Variants in DEPTOR observed in about 807,000 individuals in gnomAD.
DEPTOR encodes the protein DEP domain containing MTOR interacting protein.
A neutral mutation model predicts 41.6 loss-of-function variants in DEPTOR; 41 were observed. That is an observed-to-expected ratio of 0.98 (90% CI 0.77 to 1.28). The LOEUF (loss-of-function observed/expected upper bound fraction) is 1.28. DEPTOR is among the 50% of genes most tolerant of loss of function. The pLI is 0.00. For missense variants in DEPTOR, 514 were observed against 527.9 expected (o/e 0.97, Z 0.26); for synonymous variants, 195 against 192.3 (o/e 1.01, Z -0.12).
intron 3 of DEPTOR, among the ~76,000 whole-genome samples, chr8:119,952,489 G>A (rs1756875876): frequency 6.6e-6 from 1 of 152,168 alleles, no homozygotes; most frequent in Non-Finnish European, 1.5e-5. Context: ...CAAGATACAT[G>A]TGCAGAACGT....
intron 6 of DEPTOR, among the ~76,000 whole-genome samples, chr8:120,004,644 C>T (rs1187863773): frequency 1.3e-5 from 2 of 152,116 alleles, no homozygotes; most frequent in Non-Finnish European, 2.9e-5. Context: ...TTCTCCTTGC[C>T]TCTGGGTCAA....
At chr8:120,002,049 A>G (rs79779895) in intron 5 of DEPTOR, among the ~76,000 whole-genome samples, 23,081 of 152,078 alleles carry the variant, frequency 0.15, 2,846 homozygotes, top group African/African-American at 0.33. Flanking sequence ...TGGGAGAATC[A>G]CTTGAGATCA....
intron 8 of DEPTOR, among the ~76,000 whole-genome samples, chr8:120,031,708 G>A (rs2130173241): frequency 6.6e-6 from 1 of 152,158 alleles, no homozygotes; most frequent in Non-Finnish European, 1.5e-5. Context: ...TCCTTCTCCT[G>A]TTAATCCCCT....
intron 1 of DEPTOR, among the ~76,000 whole-genome samples, chr8:119,890,578 C>T (rs1210709884): frequency 6.6e-6 from 1 of 152,164 alleles, no homozygotes; most frequent in African/African-American, 2.4e-5. Context: ...GTTAGGATTA[C>T]AGGCATGAGC....
intron 1 of DEPTOR, among the ~76,000 whole-genome samples, chr8:119,923,357 C>G (rs909095390): frequency 6.6e-6 from 1 of 152,102 alleles, no homozygotes; most frequent in Non-Finnish European, 1.5e-5. Context: ...GATGCTCCCA[C>G]TTCAGCCTCC....
Position 120,009,059 on chromosome 8 carries a change from GTGGTGCGAGGA to G in DEPTOR, c.1028_1038del (p.Val343GlufsTer2). 1 of 1,614,130 alleles carries G rather than the reference GTGGTGCGAGGA, an allele frequency of 6.2e-7. No homozygotes were observed. Among genetic ancestry groups the G allele is most frequent in the South Asian group, 1.1e-5 (1 of 91,058 alleles). On this transcript the variant is annotated frameshift_variant, in exon 8 of 9. Coordinates refer to ENST00000286234, the MANE Select transcript of DEPTOR (RefSeq NM_022783.4). LOFTEE classifies it high-confidence loss of function. ...TGGTGACGCGGTTGGCTGGGGTTTTGTGGTGCGAGGAAGTAAGCCATGCCACATCCAGGCTG... is the reference window on the plus strand; with the variant it reads ...TGGTGACGCGGTTGGCTGGGGTTTTGAGTAAGCCATGCCACATCCAGGCTG...
At chr8:120,001,468 G>A (rs913058105) in intron 4 of DEPTOR, 57 bp from the exon 5 acceptor site, 9 of 1,485,430 alleles carry the variant, frequency 6.1e-6, no homozygotes, top group African/African-American at 1.4e-5. Context: ...TGGCTGTAGC[G>A]CTCAGTGGCC....
At chr8:119,918,586 G>C (rs187942151) in intron 1 of DEPTOR, among the ~76,000 whole-genome samples, 2,237 of 152,080 alleles carry the variant, frequency 0.015, 24 homozygotes, top group Non-Finnish European at 0.025. Flanking sequence ...TCAGCCTCCC[G>C]AGTAGCTGGG....
intron 4 of DEPTOR, among the ~76,000 whole-genome samples, chr8:119,997,895 T>C (rs1246275689): frequency 2.0e-5 from 3 of 152,244 alleles, no homozygotes; most frequent in Admixed American, 6.5e-5. Flanking sequence ...TGATTCTTAA[T>C]GGGTTTTTAT....
intron 1 of DEPTOR, among the ~76,000 whole-genome samples, chr8:119,908,187 G>A (rs1232218355): frequency 6.6e-6 from 1 of 152,048 alleles, no homozygotes. Flanking sequence ...GTGCTGGGAG[G>A]GTGGCTGGCC....
intron 1 of DEPTOR, among the ~76,000 whole-genome samples, chr8:119,893,093 T>G (rs1827472468): frequency 6.6e-6 from 1 of 152,184 alleles, no homozygotes; most frequent in Admixed American, 6.5e-5. Flanking sequence ...GACTTTATTA[T>G]AATTTACAAT....
chr8:119,979,403 A>G (rs35767723), intron 4 of DEPTOR, among the ~76,000 whole-genome samples: 96,741 of 151,554 alleles, frequency 0.64, 30,990 homozygotes, highest in Middle Eastern at 0.77. Context: ...CAGCCTCCCA[A>G]GTAGCTGGGA....
At chr8:120,017,591 C>G (rs1812633654) in intron 8 of DEPTOR, among the ~76,000 whole-genome samples, 1 of 152,196 alleles carries the variant, frequency 6.6e-6, no homozygotes, top group African/African-American at 2.4e-5. Flanking sequence ...TTGGCATCAG[C>G]TGCTCACTTA....
chr8:120,045,771 C>T (rs1376080769), intron 8 of DEPTOR, among the ~76,000 whole-genome samples: 3 of 152,172 alleles, frequency 2.0e-5, no homozygotes, highest in Non-Finnish European at 4.4e-5. Context: ...TTGCCTATGT[C>T]CTTCCCGTTT....
intron 1 of DEPTOR, among the ~76,000 whole-genome samples, chr8:119,902,192 C>A (rs13277947): frequency 0.5 from 75,684 of 151,918 alleles, 20,568 homozygotes; most frequent in East Asian, 0.92. Context: ...AATGTTGTGT[C>A]CCCAGGATTT....
intron 3 of DEPTOR, among the ~76,000 whole-genome samples, chr8:119,959,531 C>T (rs1170929263): frequency 7.3e-6 from 1 of 137,850 alleles, no homozygotes; most frequent in African/African-American, 2.7e-5. Flanking sequence ...TCTAAATAAT[C>T]TTTTTTTTTT....
At chr8:119,953,801 C>CTTTTTT (rs35043841) in intron 3 of DEPTOR, among the ~76,000 whole-genome samples, 1 of 119,678 alleles carries the variant, frequency 8.4e-6, no homozygotes, top group African/African-American at 3.2e-5. Context: ...CAGATAGCTT[C>CTTTTTT]TTTTTTTTTT....
chr8:119,931,243 A>G (rs1289197370), intron 3 of DEPTOR, among the ~76,000 whole-genome samples: 1 of 152,056 alleles, frequency 6.6e-6, no homozygotes, highest in East Asian at 1.9e-4. Flanking sequence ...TATTTGTCAC[A>G]TAAAAGAGCC....
intron 1 of DEPTOR, among the ~76,000 whole-genome samples, chr8:119,912,871 C>T (rs550733479): frequency 6.6e-6 from 1 of 152,112 alleles, no homozygotes; most frequent in African/African-American, 2.4e-5. Flanking sequence ...GGCTGTCAAC[C>T]TAAAATAATA....
Sources: gnomAD v4.1 joint callset for allele counts (sites outside exome capture counted in the v4.1 genomes callset) on GRCh38, gnomAD v4.1.1 for gene constraint, MANE v1.5 for transcripts, NCBI Gene and HGNC (gene_info 2026-07-23, HGNC 2026-07-21) for gene names.